The following RPTOR variants were observed in gnomAD, a reference collection of about 807,000 sequenced individuals.
RPTOR encodes regulatory associated protein of MTOR complex 1.
In RPTOR, 21 loss-of-function variants were observed where a neutral mutation model predicts 169.9. The ratio of observed to expected loss-of-function variants is 0.12; its 90% CI spans 0.09 to 0.18. RPTOR has a LOEUF of 0.18. RPTOR is among the 10% of genes least tolerant of loss of function. The pLI is 1.00. For missense variants in RPTOR, 1,133 were observed against 1,855.9 expected (o/e 0.61, Z 7.16); for synonymous variants, 732 against 753.2 (o/e 0.97, Z 0.46).
chr17:80,822,812 G>A (rs377250905), intron 8 of RPTOR, among the ~76,000 whole-genome samples: 6 of 151,756 alleles, frequency 4.0e-5, no homozygotes, highest in South Asian at 2.1e-4. Flanking sequence ...TTGTGTATGC[G>A]TGCCCATGTG....
intron 3 of RPTOR, among the ~76,000 whole-genome samples, chr17:80,685,108 A>G (rs2065926973): frequency 9.3e-6 from 1 of 107,338 alleles, no homozygotes; most frequent in Admixed American, 8.3e-5. Context: ...ACCCTTTTCC[A>G]TTCCCCTCGG....
At chr17:80,623,150 TTAG>T (rs1024919319) in intron 1 of RPTOR, among the ~76,000 whole-genome samples, 1 of 152,162 alleles carries the variant, frequency 6.6e-6, no homozygotes, top group Admixed American at 6.5e-5. Context: ...TTTGTTATTA[TTAG>T]TGTTATTTTA....
At chr17:80,922,702 A>G in intron 21 of RPTOR, 22 bp from the exon 22 acceptor site, 1 of 1,555,806 alleles carries the variant, frequency 6.4e-7, no homozygotes, top group Non-Finnish European at 8.7e-7. Context: ...TGACCTTCAC[A>G]CCCCCATTCC....
intron 3 of RPTOR, among the ~76,000 whole-genome samples, chr17:80,685,141 C>T (rs1436421234): frequency 6.6e-6 from 1 of 152,094 alleles, no homozygotes; most frequent in African/African-American, 2.4e-5. Flanking sequence ...GCGCCTCATT[C>T]GGAGTCGCCC....
chr17:80,573,878 A>G (rs1482296908), intron 1 of RPTOR, among the ~76,000 whole-genome samples: 1 of 152,252 alleles, frequency 6.6e-6, no homozygotes, highest in Non-Finnish European at 1.5e-5. Flanking sequence ...AGCTCCTAGC[A>G]CTGGCCTTCC....
At chr17:80,868,819 ATAGT>A (rs2068020986) in intron 13 of RPTOR, among the ~76,000 whole-genome samples, 1 of 152,242 alleles carries the variant, frequency 6.6e-6, no homozygotes, top group Non-Finnish European at 1.5e-5. Flanking sequence ...TGATCTCAAA[ATAGT>A]TAGATTGAGT....
chr17:80,714,015 T>C (rs181569905), intron 4 of RPTOR, among the ~76,000 whole-genome samples: 1 of 152,276 alleles, frequency 6.6e-6, no homozygotes, highest in African/African-American at 2.4e-5. Flanking sequence ...CTCGGCTCAC[T>C]GCAACCTCCA....
intron 13 of RPTOR, among the ~76,000 whole-genome samples, chr17:80,864,612 C>T (rs1454303734): frequency 6.6e-6 from 1 of 151,694 alleles, no homozygotes; most frequent in Non-Finnish European, 1.5e-5. Context: ...GAAAGCTTAT[C>T]CCCGGCAGAT....
chr17:80,776,240 G>A (rs777520793), intron 6 of RPTOR, among the ~76,000 whole-genome samples: 6 of 151,578 alleles, frequency 4.0e-5, no homozygotes, highest in African/African-American at 7.3e-5. Flanking sequence ...TTCTTATTTT[G>A]GACTATTTCT....
chr17:80,807,603 T>C (rs892896206), intron 7 of RPTOR, among the ~76,000 whole-genome samples: 6 of 152,156 alleles, frequency 3.9e-5, no homozygotes, highest in Non-Finnish European at 7.4e-5. Flanking sequence ...CCGCCCACCT[T>C]GGCTTCCCAA....
rs924827137 is a variant in RPTOR at position 80,844,226 on chromosome 17, G to A, written c.1213-2247G>A. 7.9e-5 allele frequency among the ~76,000 whole-genome samples: 12 copies of A among 152,152 alleles called. No individual in the cohort carries two copies. Among genetic ancestry groups the A allele is most frequent in the South Asian group, 2.1e-4 (1 of 4,828 alleles). ...CTTGCTCTAATTCGTCAGCCTCCCC[G>A]TGGCTTTAGGGAGCTTCACGGGCTT... On this transcript the variant is annotated intron_variant, in intron 10 of 33. Coordinates refer to ENST00000306801, the MANE Select transcript of RPTOR (RefSeq NM_020761.3). The surrounding 1 kb of genome is among the most constrained non-coding windows in gnomAD (Gnocchi z 4.7).
intron 17 of RPTOR, among the ~76,000 whole-genome samples, chr17:80,887,550 C>A (rs1598379585): frequency 6.6e-6 from 1 of 152,296 alleles, no homozygotes; most frequent in South Asian, 2.1e-4. Flanking sequence ...GTGGAGCCGG[C>A]CCCATTCTCG....
In RPTOR at chr17:80,785,333, T is replaced by A. The variant is rs143228343; in HGVS notation, c.831-6117T>A. Among the ~76,000 whole-genome samples, 1,221 of 152,334 alleles carry A rather than the reference T, an allele frequency of 8.0e-3. 19 individuals are homozygous for A. Among genetic ancestry groups the A allele is most frequent in the African/African-American group, 0.028 (1,178 of 41,566 alleles). On this transcript the variant is annotated intron_variant, in intron 6 of 33. Coordinates refer to ENST00000306801, the MANE Select transcript of RPTOR (RefSeq NM_020761.3). ...GTCAGATAAAATATAGTGATGAATC[T>A]CTAAATGTAAAACATTTTATTTGGG...
At chr17:80,908,503 G>A (rs138284401) in intron 20 of RPTOR, among the ~76,000 whole-genome samples, 3 of 152,318 alleles carry the variant, frequency 2.0e-5, no homozygotes, top group African/African-American at 4.8e-5. Flanking sequence ...ACGCTCCTCC[G>A]GGAGTGTGGT....
chr17:80,718,350 A>G (rs2066256762), intron 4 of RPTOR, among the ~76,000 whole-genome samples: 1 of 152,150 alleles, frequency 6.6e-6, no homozygotes, highest in Non-Finnish European at 1.5e-5. Flanking sequence ...ACTATGTTCT[A>G]CCCTTACCCC....
rs1268452419 is a variant in RPTOR, at chr17:80,771,776, G to A, written c.830+17591G>A. Among the ~76,000 whole-genome samples, 6 of 152,210 alleles carry A rather than the reference G, an allele frequency of 3.9e-5. No individual in the cohort carries two copies. The East Asian group carries it at 5.8e-4, about 15-fold the overall frequency. On this transcript the variant is annotated intron_variant, in intron 6 of 33. Transcript: ENST00000306801. ...CCCTCGTGTCCCTCAGCCAGCCACC[G>A]CCATGCCCAGCTCCAGGCCTCGCCC...
rs1256073346 is a variant in RPTOR, at chr17:80,883,946, A to G, written c.1816A>G (p.Ser606Gly). ...VRDSAHEKLY[S>G]LLSDPIPEVR... ...GGACAGCGCTCATGAGAAGCTCTAC[A>G]GCCTCCTCTCCGACCCCATTCCCGA... Residue 606 changes from serine to glycine, a missense_variant, in exon 16 of 34, where the codon AGC becomes GGC. Transcript: ENST00000306801. 6.2e-6 allele frequency: 10 copies of G among 1,612,782 alleles called. No individual in the cohort carries two copies. The highest frequency in any genetic ancestry group is 6.8e-6 in the Non-Finnish European group (8 of 1,179,662).
In RPTOR at chr17:80,821,816, G is replaced by A. The variant is rs540196019; in HGVS notation, c.891-385G>A. Among the ~76,000 whole-genome samples the A allele has an allele frequency of 1.2e-4, 18 of 152,328 alleles. No homozygotes were observed. In the South Asian group the frequency reaches 3.1e-3, roughly 26 times the overall value. On this transcript the variant is annotated intron_variant, in intron 7 of 33. Transcript: ENST00000306801. The stretch of plus-strand genomic sequence containing the variant: ...AGCATGGACGGTGTACTTCCACAGC[G>A]TTCGGTGGCTGAGGTATAACCCTGC...
intron 1 of RPTOR, among the ~76,000 whole-genome samples, chr17:80,583,262 C>T (rs2065032934): frequency 6.9e-6 from 1 of 144,728 alleles, no homozygotes; most frequent in Non-Finnish European, 1.5e-5. Flanking sequence ...GATCACCGCT[C>T]ATTGCAGCTT....
Sources: allele counts gnomAD v4.1 joint callset (sites outside exome capture counted in the v4.1 genomes callset), GRCh38; gene constraint gnomAD v4.1.1; non-coding constraint Gnocchi (gnomAD v3.1); transcripts MANE v1.5; gene names NCBI Gene and HGNC (gene_info 2026-07-23, HGNC 2026-07-21).